RNF135: variants seen among roughly 807,000 people sequenced by gnomAD.
RNF135 encodes E3 ubiquitin-protein ligase RNF135.
A neutral mutation model predicts 41.9 loss-of-function variants in RNF135; 46 were observed. The observed-to-expected ratio is 1.10, with a 90% confidence interval of 0.87 to 1.40. The LOEUF is 1.40. Ranked by LOEUF, RNF135 falls within the 40% of genes most tolerant of loss-of-function variation. The pLI, the probability that RNF135 is intolerant of heterozygous loss-of-function variation, is 0.00. For synonymous variants in RNF135, 238 were observed against 223.8 expected (o/e 1.06, Z -0.57); for missense variants, 539 against 549.8 (o/e 0.98, Z 0.20).
intron 2 of RNF135, among the ~76,000 whole-genome samples, chr17:30,987,610 G>A (rs949966257): frequency 6.6e-5 from 10 of 152,086 alleles, no homozygotes; most frequent in South Asian, 4.1e-4. Context: ...TATAAGATGC[G>A]CCTAGAAATG....
chr17:30,979,464 G>T (rs1435182426), intron 1 of RNF135, among the ~76,000 whole-genome samples: 1 of 108,624 alleles, frequency 9.2e-6, no homozygotes, highest in South Asian at 3.3e-4. Flanking sequence ...CTCACCTCCC[G>T]GACGGGGCGG....
In RNF135 at chr17:30,998,813, C is replaced by G. The variant is rs1212076661; in HGVS notation, c.921C>G (p.Ala307=). The G allele has an allele frequency of 6.2e-7, 1 of 1,613,246 alleles. No homozygotes were observed. Among genetic ancestry groups the G allele is most frequent in the Non-Finnish European group, 8.5e-7 (1 of 1,179,740 alleles). Residue 307 remains alanine, a synonymous_variant, in exon 5 of 5, where the codon GCC becomes GCG. Coordinates refer to ENST00000328381, the MANE Select transcript of RNF135 (RefSeq NM_032322.4). Reference sequence around the variant, plus strand: ...CCAGCCAGGTCTTATGTTCCCAGGCCCTGTCTTCTGGAAAGCATTACTGGG... The same window carrying G: ...CCAGCCAGGTCTTATGTTCCCAGGCGCTGTCTTCTGGAAAGCATTACTGGG... ...FSTSQVLCSQ[A]LSSGKHYWEV... is the part of the protein sequence containing the mutation.
chr17:30,971,055 C>A lies in RNF135; in HGVS notation c.-19C>A, dbSNP rs1013061399. 1 of 1,529,644 alleles carries A rather than the reference C, an allele frequency of 6.5e-7. No individual in the cohort carries two copies. Among genetic ancestry groups the A allele is most frequent in the South Asian group, 1.2e-5 (1 of 83,880 alleles). 94.8% of individuals were successfully genotyped at this position (1,529,644 alleles called of 1,614,324 possible). A position where few individuals can be genotyped will look rare whatever the true frequency, so the allele number is the denominator to read the frequency against. On this transcript the variant is annotated 5_prime_UTR_variant, in exon 1 of 5. Coordinates refer to ENST00000328381, the MANE Select transcript of RNF135 (RefSeq NM_032322.4). The stretch of plus-strand genomic sequence containing the variant: ...GCCCGGCTCAACCCCGACGTCCGCG[C>A]CCCGGCCGCCTGTTGGCCATGGCGG...
At chr17:30,971,682 T>G in intron 1 of RNF135, 2 of 1,334,782 alleles carry the variant, frequency 1.5e-6, no homozygotes, top group Non-Finnish European at 1.9e-6. Flanking sequence ...GTTACACAGC[T>G]TGGCATATTT....
At chr17:30,979,912 C>T (rs1276647109) in intron 1 of RNF135, among the ~76,000 whole-genome samples, 2 of 120,350 alleles carry the variant, frequency 1.7e-5, no homozygotes, top group Non-Finnish European at 3.6e-5. Flanking sequence ...AGAGGGGCTC[C>T]TCACTTCCCA....
chr17:30,965,387 A>G, the RNF135 span: 7 of 150,936 alleles, frequency 4.6e-5, no homozygotes, highest in East Asian at 1.3e-3. Context: ...ATATATATGT[A>G]TACATATATG....
intron 1 of RNF135, among the ~76,000 whole-genome samples, chr17:30,982,811 A>G (rs1194829076): frequency 3.3e-5 from 5 of 152,154 alleles, no homozygotes; most frequent in Non-Finnish European, 7.4e-5. Context: ...CACTACCATC[A>G]TTTCCATAAC....
Position 30,999,412 on chromosome 17 carries a change from C to A in RNF135, c.*221C>A. 1 of 565,930 alleles carries A rather than the reference C, an allele frequency of 1.8e-6. No individual in the cohort carries two copies. Among genetic ancestry groups the A allele is most frequent in the South Asian group, 2.0e-5 (1 of 49,266 alleles). 35.1% of individuals were successfully genotyped at this position (565,930 alleles called of 1,614,324 possible). A position where few individuals can be genotyped will look rare whatever the true frequency, so the allele number is the denominator to read the frequency against. On this transcript the variant is annotated 3_prime_UTR_variant, in exon 5 of 5. Transcript: ENST00000328381. ...TACAGGTGTGAGCCACCACACCTGG[C>A]CAAGAATACCACTTTTGAAGTTAAT...
At chr17:30,997,945 G>A (rs934710392) in intron 4 of RNF135, among the ~76,000 whole-genome samples, 1 of 152,214 alleles carries the variant, frequency 6.6e-6, no homozygotes, top group African/African-American at 2.4e-5. Context: ...GAAACCAAAT[G>A]AAATATACAA....
chr17:30,986,305 T>A (rs889582985), intron 2 of RNF135, among the ~76,000 whole-genome samples: 3 of 151,930 alleles, frequency 2.0e-5, no homozygotes, highest in Non-Finnish European at 4.4e-5. Context: ...CAAGTGATTC[T>A]CCTGCCTCAG....
chr17:30,991,347 G>A (rs1268133292), intron 3 of RNF135, among the ~76,000 whole-genome samples: 1 of 151,766 alleles, frequency 6.6e-6, no homozygotes, highest in East Asian at 1.9e-4. Flanking sequence ...TGGGCAACAA[G>A]AATGAAACTC....
chr17:30,971,000 G>A, upstream of RNF135: 1 of 1,525,836 alleles, frequency 6.6e-7, no homozygotes, highest in Non-Finnish European at 8.8e-7. Flanking sequence ...AGGGGAAGAG[G>A]AAGGGCGAGG....
chr17:30,984,685 C>T lies in RNF135; in HGVS notation c.441C>T (p.Asp147=). Residue 147 remains aspartate, a synonymous_variant, in exon 2 of 5, where the codon GAC becomes GAT. Coordinates refer to ENST00000328381, the MANE Select transcript of RNF135 (RefSeq NM_032322.4). ...ELTELVEHLV[D]IVRSLQNQRP... is the part of the protein sequence containing the mutation. ...CAGAGCTGGTGGAACATCTTGTAGA[C>T]ATTGTCAGAAGCCTGCAGAATCAGA... is the stretch of plus-strand genomic sequence containing the variant. The T allele has an allele frequency of 1.2e-6, 2 of 1,614,086 alleles. No individual in the cohort carries two copies. The highest frequency in any genetic ancestry group is 1.3e-5 in the African/African-American group (1 of 75,014).
rs1479650425 is a variant in RNF135, at chr17:30,999,651, C to G, written c.*460C>G. The G allele has an allele frequency of 5.4e-6, 1 of 185,722 alleles. No homozygotes were observed. The highest frequency in any genetic ancestry group is 1.2e-4 in the East Asian group (1 of 8,134). The allele number at this position is 185,722 out of a possible 1,614,324, so 11.5% of individuals were successfully genotyped here. The stretch of plus-strand genomic sequence containing the variant: ...GAGGAGACTAAGTTAGCCATGTGGG[C>G]AGTGAAGCATGCCAATGTGATCAAT... On this transcript the variant is annotated 3_prime_UTR_variant, in exon 5 of 5. Transcript: ENST00000328381.
chr17:30,983,337 A>C (rs1567743133), intron 1 of RNF135, among the ~76,000 whole-genome samples: 1 of 25,718 alleles, frequency 3.9e-5, no homozygotes, highest in Non-Finnish European at 1.0e-4. Flanking sequence ...ATATATATAT[A>C]TATATATATA....
chr17:30,994,014 A>C, intron 3 of RNF135: 1 of 452,744 alleles, frequency 2.2e-6, no homozygotes, highest in East Asian at 3.4e-5. Flanking sequence ...CATGTTGCCC[A>C]GGCTGGTCTC....
At chr17:30,976,459 A>G (rs1906470512) in intron 1 of RNF135, among the ~76,000 whole-genome samples, 1 of 152,232 alleles carries the variant, frequency 6.6e-6, no homozygotes, top group Non-Finnish European at 1.5e-5. Context: ...ATAAATATCC[A>G]TTAGGTCCAT....
At chr17:30,964,057 CGTCCCTTGACAAAAAGTGCTTT>C in the RNF135 span, among the ~76,000 whole-genome samples, 2 of 151,966 alleles carry the variant, frequency 1.3e-5, no homozygotes, top group Non-Finnish European at 2.9e-5. Context: ...TGATCTCTTC[CGTCCCTTGACAAAAAGTGCTTT>C]GTCCCTGAAA....
chr17:30,967,083 G>A (rs1905581474), upstream of RNF135, among the ~76,000 whole-genome samples: 1 of 152,078 alleles, frequency 6.6e-6, no homozygotes, highest in Admixed American at 6.5e-5. Context: ...TGCCCAGACT[G>A]GAGTGCAGTG....
Sources: allele counts gnomAD v4.1 joint callset (sites outside exome capture counted in the v4.1 genomes callset), GRCh38; gene constraint gnomAD v4.1.1; transcripts MANE v1.5; gene names NCBI Gene and HGNC (gene_info 2026-07-23, HGNC 2026-07-21).